Variants in AMZ1 observed in about 807,000 individuals in gnomAD.
The protein encoded by AMZ1 is archaelysin family metallopeptidase 1.
Under a neutral mutation model 29.9 loss-of-function variants are expected in AMZ1, and 39 were observed. The observed-to-expected ratio is 1.30, with a 90% CI of 1.01 to 1.70. The LOEUF (loss-of-function observed/expected upper bound fraction) is 1.70. AMZ1 is among the 40% of genes most tolerant of loss of function. The pLI is 0.00. For synonymous variants in AMZ1, 458 were observed against 304.0 expected, an observed-to-expected ratio of 1.51 and a Z score of -5.27; for missense variants, 1,041 against 680.6, an observed-to-expected ratio of 1.53 and a Z score of -5.89.
upstream of AMZ1, among the ~76,000 whole-genome samples, chr7:2,686,270 T>C (rs552822594): frequency 2.0e-5 from 3 of 152,312 alleles, no homozygotes; most frequent in South Asian, 6.2e-4. Flanking sequence ...CGGTGGCTCA[T>C]ACCTGTGATC....
At chr7:2,681,753 C>A (rs982953964) in intron 1 of AMZ1, among the ~76,000 whole-genome samples, 1 of 152,110 alleles carries the variant, frequency 6.6e-6, no homozygotes, top group African/African-American at 2.4e-5. Flanking sequence ...CTCCTGGGGC[C>A]CCTGACTACA....
downstream of AMZ1, among the ~76,000 whole-genome samples, chr7:2,720,372 G>GT (rs749548160): frequency 4.6e-5 from 7 of 152,202 alleles, no homozygotes; most frequent in Non-Finnish European, 1.0e-4. Context: ...AGAAAGACTA[G>GT]TGTGTGTTTT....
Position 2,708,815 on chromosome 7 carries a change from C to T in AMZ1, c.601+99C>T, listed in dbSNP as rs113438503. On this transcript the variant is annotated intron_variant, in intron 4 of 6. Coordinates refer to ENST00000683327, the MANE Select transcript of AMZ1 (RefSeq NM_001384743.1). ...ACCCTCTTTGCTTTTGCTTCAAGCA[C>T]CCTCCTGGTGGAAGTCAACACCTGT... 658 of 1,566,008 alleles carry T rather than the reference C, an allele frequency of 4.2e-4. 5 individuals carry two copies. The African/African-American group carries it at 7.8e-3, about 19-fold the overall frequency.
chr7:2,756,569 C>T (rs1049888941), intron 4 of AMZ1, among the ~76,000 whole-genome samples: 1 of 151,004 alleles, frequency 6.6e-6, no homozygotes, highest in Non-Finnish European at 1.5e-5. Context: ...GAGCCACAAT[C>T]GTGCCACTGC....
chr7:2,733,380 G>C (rs1394442721), intron 4 of AMZ1: 3 of 1,251,984 alleles, frequency 2.4e-6, no homozygotes, highest in Admixed American at 4.0e-5. Flanking sequence ...TCACAACGTG[G>C]ACTGCTTTGG....
chr7:2,694,616 T>A (rs1787594631), intron 1 of AMZ1, among the ~76,000 whole-genome samples: 1 of 151,546 alleles, frequency 6.6e-6, no homozygotes, highest in East Asian at 1.9e-4. Flanking sequence ...ACATGTGAGA[T>A]TATATTACAT....
exon 1 of AMZ1, chr7:2,679,584 T>A (rs390778): frequency 0.06 from 8,255 of 138,534 alleles, 604 homozygotes; most frequent in African/African-American, 0.21. Context: ...TGGGCTGGAC[T>A]TTGCACTAGG....
chr7:2,704,357 CTGGCAGTGG>C (rs1788228200), intron 3 of AMZ1, among the ~76,000 whole-genome samples: 1 of 152,082 alleles, frequency 6.6e-6, no homozygotes, highest in African/African-American at 2.4e-5. Flanking sequence ...ATAAAAATAG[CTGGCAGTGG>C]TGGCACACAT....
chr7:2,738,448 C>G (rs1413047907), intron 4 of AMZ1, among the ~76,000 whole-genome samples: 1 of 152,176 alleles, frequency 6.6e-6, no homozygotes, highest in Non-Finnish European at 1.5e-5. Context: ...AGCTCCGTGG[C>G]TGGAAGGAGG....
At chr7:2,693,583 T>G (rs776996618) in intron 1 of AMZ1, among the ~76,000 whole-genome samples, 1 of 151,890 alleles carries the variant, frequency 6.6e-6, no homozygotes, top group Non-Finnish European at 1.5e-5. Context: ...TGACACGGAG[T>G]CTTGCTCTGT....
At chr7:2,689,763 CTG>C (rs1787278177) in intron 1 of AMZ1, among the ~76,000 whole-genome samples, 1 of 152,246 alleles carries the variant, frequency 6.6e-6, no homozygotes, top group Non-Finnish European at 1.5e-5. Flanking sequence ...GGGGGACACA[CTG>C]TGACAGGGTC....
chr7:2,750,888 G>A (rs530749678), intron 4 of AMZ1, among the ~76,000 whole-genome samples: 2 of 152,312 alleles, frequency 1.3e-5, no homozygotes, highest in Non-Finnish European at 2.9e-5. Context: ...ATTAATATGA[G>A]GGTGCGAATG....
Position 2,682,578 on chromosome 7 carries a change from C to T in AMZ1, c.-219+2907C>T, listed in dbSNP as rs1021092345. 3.9e-5 allele frequency among the ~76,000 whole-genome samples: 6 copies of T among 152,270 alleles called. No homozygotes were observed. The East Asian group carries it at 5.8e-4, about 15-fold the overall frequency. On this transcript the variant is annotated intron_variant, in intron 1 of 6. Coordinates refer to the AMZ1 transcript ENST00000312371. ...CGCAGGCAGTGCTGGGGTCAGGCCCCGTGCATCCTGCCTGGACCAGGATTC... is the reference window on the plus strand; with the variant it reads ...CGCAGGCAGTGCTGGGGTCAGGCCCTGTGCATCCTGCCTGGACCAGGATTC...
At chr7:2,736,874 T>C (rs1055926047) in intron 4 of AMZ1, among the ~76,000 whole-genome samples, 3 of 152,190 alleles carry the variant, frequency 2.0e-5, no homozygotes, top group Admixed American at 6.5e-5. Flanking sequence ...CGCACTTCCT[T>C]CAGCTAATTT....
intron 1 of AMZ1, among the ~76,000 whole-genome samples, chr7:2,689,193 C>T (rs561197752): frequency 1.3e-5 from 2 of 152,312 alleles, no homozygotes; most frequent in East Asian, 1.9e-4. Flanking sequence ...TTTTGCAAAG[C>T]GCATTCAGAA....
chr7:2,703,513 T>TAGC (rs1554248215), intron 3 of AMZ1, among the ~76,000 whole-genome samples: 2 of 145,642 alleles, frequency 1.4e-5, no homozygotes, highest in African/African-American at 5.7e-5. Context: ...TACACGTGCC[T>TAGC]AGATCTCAAC....
rs1255352206 is a variant in AMZ1 at position 2,710,399 on chromosome 7, C to A, written c.948+583C>A. On this transcript the variant is annotated intron_variant, in intron 6 of 6. Transcript: ENST00000683327. ...AGGTGGTGGTAATTTTTCTTCAAAC[C>A]CAGCTTTGGACTACAACCAGTTATA... Among the ~76,000 whole-genome samples, 2 of 152,204 alleles carry A rather than the reference C, an allele frequency of 1.3e-5. 1 individual carries two copies. Among genetic ancestry groups the A allele is most frequent in the Admixed American group, 1.3e-4 (2 of 15,288 alleles).
intron 6 of AMZ1, among the ~76,000 whole-genome samples, chr7:2,711,285 G>A (rs1214516426): frequency 2.6e-5 from 4 of 152,178 alleles, no homozygotes; most frequent in Non-Finnish European, 4.4e-5. Flanking sequence ...CTGGAGAGCT[G>A]ACCAAGGGCC....
chr7:2,702,120 T>C (rs1230713083), intron 2 of AMZ1: 2 of 152,636 alleles, frequency 1.3e-5, no homozygotes, highest in Non-Finnish European at 2.9e-5. Flanking sequence ...CCTTGGTCCT[T>C]GTCCATCTGT....
Sources: gnomAD v4.1 joint callset for allele counts (sites outside exome capture counted in the v4.1 genomes callset) on GRCh38, gnomAD v4.1.1 for gene constraint, MANE v1.5 for transcripts, NCBI Gene and HGNC (gene_info 2026-07-23, HGNC 2026-07-21) for gene names.